The following LTF variants were observed in gnomAD, a reference collection of about 807,000 sequenced individuals.
LTF encodes epididymis luminal protein 110.
A neutral mutation model predicts 87.2 loss-of-function variants in LTF; 91 were observed. That is an observed-to-expected ratio of 1.04 (90% CI 0.88 to 1.24). The LOEUF is 1.24. Ranked by LOEUF, LTF falls within the 50% of genes most tolerant of loss-of-function variation. The pLI, the probability that LTF is intolerant of heterozygous loss-of-function variation, is 0.00. For missense variants in LTF, 901 were observed against 904.3 expected (o/e 1.00, Z 0.05); for synonymous variants, 378 against 356.1 (o/e 1.06, Z -0.69).
At chr3:46,469,800 T>A (rs986945671), upstream of LTF, among the ~76,000 whole-genome samples, 1 of 152,166 alleles carries the variant, frequency 6.6e-6, no homozygotes, top group Non-Finnish European at 1.5e-5. Flanking sequence ...TCCTGGGAGC[T>A]TCCATCAGGA....
chr3:46,442,659 T>A (rs1001472034), intron 13 of LTF, among the ~76,000 whole-genome samples: 4 of 152,220 alleles, frequency 2.6e-5, no homozygotes, highest in African/African-American at 9.7e-5. Context: ...TCTTTTTTTA[T>A]GAGCCACTTA....
At chr3:46,452,008 A>G (rs1702814670) in intron 6 of LTF, among the ~76,000 whole-genome samples, 1 of 152,278 alleles carries the variant, frequency 6.6e-6, no homozygotes, top group Non-Finnish European at 1.5e-5. Flanking sequence ...CCACTGTTAC[A>G]ATGCCAGCAC....
chr3:46,480,667 G>C (rs986266515), intron 1 of LTF, among the ~76,000 whole-genome samples: 1 of 152,136 alleles, frequency 6.6e-6, no homozygotes, highest in Non-Finnish European at 1.5e-5. Context: ...GAGGACAATG[G>C]CACATTCACG....
At chr3:46,458,694 C>T (rs1200078944) in intron 2 of LTF, among the ~76,000 whole-genome samples, 1 of 152,318 alleles carries the variant, frequency 6.6e-6, no homozygotes, top group Admixed American at 6.5e-5. Context: ...CCTGCCTCAG[C>T]CTTGTAAGTA....
rs375383050 is a variant in LTF, at chr3:46,437,762, C to A, written c.2098+178G>T. Among the ~76,000 whole-genome samples the A allele has an allele frequency of 3.1e-3, 478 of 152,286 alleles. 4 individuals carry two copies. The highest frequency in any genetic ancestry group is 0.011 in the African/African-American group (457 of 41,564). On this transcript the variant is annotated intron_variant, in intron 16 of 16. Coordinates refer to ENST00000231751, the MANE Select transcript of LTF (RefSeq NM_002343.6). ...ATTTATAAAAATTTATTACATACTG[C>A]TCTATTTTATTCTCTAATTATTTTA... is the stretch of plus-strand genomic sequence containing the variant.
chr3:46,464,567 G>A (rs1160487333), intron 1 of LTF, among the ~76,000 whole-genome samples: 2 of 152,196 alleles, frequency 1.3e-5, no homozygotes, highest in Non-Finnish European at 2.9e-5. Context: ...AAGGGACAGG[G>A]GCCTGGGAGG....
chr3:46,478,783 G>T (rs528577977), intron 1 of LTF, among the ~76,000 whole-genome samples: 1 of 152,336 alleles, frequency 6.6e-6, no homozygotes, highest in Non-Finnish European at 1.5e-5. Flanking sequence ...CTGGCTTGAG[G>T]TTACTACCTT....
intron 6 of LTF, among the ~76,000 whole-genome samples, chr3:46,451,671 T>C (rs1424177843): frequency 6.6e-6 from 1 of 152,228 alleles, no homozygotes; most frequent in Non-Finnish European, 1.5e-5. Context: ...CTCAGCTCAC[T>C]GCATCCTCCA....
intron 13 of LTF, 163 bp from the exon 14 acceptor site, chr3:46,441,646 G>A (rs186212621): frequency 5.1e-6 from 3 of 591,926 alleles, no homozygotes; most frequent in African/African-American, 3.8e-5. Context: ...TTGAACACAG[G>A]TGTACCTGCC....
chr3:46,462,891 C>T (rs146475622), intron 1 of LTF, among the ~76,000 whole-genome samples: 3 of 151,132 alleles, frequency 2.0e-5, no homozygotes, highest in South Asian at 2.1e-4. Flanking sequence ...TGCCTCAAGC[C>T]GGAGGTGGGG....
intron 12 of LTF, among the ~76,000 whole-genome samples, chr3:46,444,805 A>C (rs1444948569): frequency 1.3e-5 from 2 of 152,054 alleles, no homozygotes; most frequent in Non-Finnish European, 2.9e-5. Flanking sequence ...GGGAGAGAAA[A>C]CTGCAGAAGC....
chr3:46,463,981 AGGCTGCACTG>A (rs1703150509), intron 1 of LTF, among the ~76,000 whole-genome samples: 1 of 152,116 alleles, frequency 6.6e-6, no homozygotes, highest in Admixed American at 6.5e-5. Flanking sequence ...AGACAAGTGG[AGGCTGCACTG>A]GGCTGGGGAG....
rs7610036 is a variant in LTF at position 46,441,934 on chromosome 3, A to T, written c.1656-451T>A. 5.0e-3 allele frequency: 294 copies of T among 59,016 alleles called. 3 individuals carry two copies. Among genetic ancestry groups the T allele is most frequent in the Admixed American group, 0.01 (49 of 4,798 alleles). The allele number at this position is 59,016 out of a possible 1,614,324, so 3.7% of individuals were successfully genotyped here. A position where few individuals can be genotyped will look rare whatever the true frequency, so the allele number is the denominator to read the frequency against. On this transcript the variant is annotated intron_variant, in intron 13 of 16. Transcript: ENST00000231751. The stretch of plus-strand genomic sequence containing the variant: ...GAGAGAGAGAGAGAGAGAGAGAGAG[A>T]GTGTGTGTGTGTGTGTGTGTGTGTG...
intron 14 of LTF, 86 bp from the exon 15 acceptor site, chr3:46,439,566 A>G: frequency 1.7e-6 from 2 of 1,174,644 alleles, no homozygotes; most frequent in African/African-American, 3.0e-5. Flanking sequence ...CATTCCACTG[A>G]CCTCCCAAAT....
intron 1 of LTF, among the ~76,000 whole-genome samples, chr3:46,472,691 G>T (rs1418996462): frequency 2.0e-5 from 3 of 152,030 alleles, no homozygotes; most frequent in Non-Finnish European, 4.4e-5. Flanking sequence ...GACCTCTCCA[G>T]AACATGTGTT....
At chr3:46,460,244 G>A (rs563868550) in intron 1 of LTF, among the ~76,000 whole-genome samples, 2 of 152,256 alleles carry the variant, frequency 1.3e-5, no homozygotes, top group South Asian at 2.1e-4. Context: ...TGAGTGACTC[G>A]CCACTCAGCA....
chr3:46,475,205 A>G (rs1046577929), intron 1 of LTF, among the ~76,000 whole-genome samples: 6 of 152,204 alleles, frequency 3.9e-5, no homozygotes, highest in Admixed American at 2.0e-4. Flanking sequence ...AATTTCTCCA[A>G]AAAAACAAAC....
At chr3:46,437,027 T>G (rs1702401785) in intron 16 of LTF, among the ~76,000 whole-genome samples, 1 of 152,184 alleles carries the variant, frequency 6.6e-6, no homozygotes, top group African/African-American at 2.4e-5. Flanking sequence ...ATAAAGACAT[T>G]TCTGGCCCTG....
intron 9 of LTF, among the ~76,000 whole-genome samples, chr3:46,448,620 C>G (rs948323861): frequency 1.4e-4 from 21 of 152,264 alleles, no homozygotes; most frequent in African/African-American, 5.1e-4. Flanking sequence ...TAATACCTTT[C>G]CATATTTTCC....
Sources: allele counts gnomAD v4.1 joint callset (sites outside exome capture counted in the v4.1 genomes callset), GRCh38; gene constraint gnomAD v4.1.1; transcripts MANE v1.5; gene names NCBI Gene and HGNC (gene_info 2026-07-23, HGNC 2026-07-21).